The following NRXN1 variants were observed in gnomAD, a reference collection of about 807,000 sequenced individuals.
The protein encoded by NRXN1 is neurexin 1.
In NRXN1, 39 loss-of-function variants were observed where a neutral mutation model predicts 150.9. The observed-to-expected ratio is 0.26, with a 90% confidence interval of 0.20 to 0.34. The LOEUF (loss-of-function observed/expected upper bound fraction) is 0.34. Ranked by LOEUF, NRXN1 falls within the 10% of genes least tolerant of loss-of-function variation. The probability of loss-of-function intolerance (pLI) is 1.00; values close to 1 mark genes in which losing one functional copy is unlikely to be tolerated. For missense variants in NRXN1, 1,815 were observed against 1,949.9 expected (o/e 0.93, Z 1.30); for synonymous variants, 924 against 757.0 (o/e 1.22, Z -3.62).
intron 2 of NRXN1, among the ~76,000 whole-genome samples, chr2:50,938,847 A>T (rs1180863619): frequency 6.6e-6 from 1 of 152,154 alleles, no homozygotes; most frequent in African/African-American, 2.4e-5. Context: ...GCAAACTTTT[A>T]ATTAGTCACA....
chr2:50,293,439 G>T (rs1232985994), intron 17 of NRXN1, among the ~76,000 whole-genome samples: 2 of 152,150 alleles, frequency 1.3e-5, no homozygotes, highest in African/African-American at 4.8e-5. Context: ...CTACACGGAT[G>T]CATATCGAAG....
chr2:50,641,996 A>G (rs1318727973), intron 5 of NRXN1, among the ~76,000 whole-genome samples: 1 of 152,132 alleles, frequency 6.6e-6, no homozygotes, highest in Non-Finnish European at 1.5e-5. Context: ...CTGAATCAAC[A>G]TATGCATATA....
rs1287117407 is a variant in NRXN1, at chr2:49,919,060, T to C, written c.*2884A>G. Reference sequence around the variant, plus strand: ...CTTTGATGTCTTAGGGATTGACCACTTCACACGTTATTGTAGTATTTGTTC... The same window carrying C: ...CTTTGATGTCTTAGGGATTGACCACCTCACACGTTATTGTAGTATTTGTTC... On this transcript the variant is annotated 3_prime_UTR_variant, in exon 23 of 23. Transcript: ENST00000401669. 1 of 152,146 alleles carries C rather than the reference T, an allele frequency of 6.6e-6. No homozygotes were observed. Among genetic ancestry groups the C allele is most frequent in the Admixed American group, 6.6e-5 (1 of 15,258 alleles). The allele number at this position is 152,146 out of a possible 1,614,324, so 9.4% of individuals were successfully genotyped here. A position where few individuals can be genotyped will look rare whatever the true frequency, so the allele number is the denominator to read the frequency against.
intron 17 of NRXN1, among the ~76,000 whole-genome samples, chr2:50,376,046 TACAC>T (rs72262969): frequency 6.7e-6 from 1 of 148,626 alleles, no homozygotes; most frequent in Non-Finnish European, 1.5e-5. Context: ...CATATATATA[TACAC>T]ACACACACAC....
intron 5 of NRXN1, among the ~76,000 whole-genome samples, chr2:50,745,303 C>G (rs951984940): frequency 6.9e-6 from 1 of 145,102 alleles, no homozygotes; most frequent in East Asian, 2.1e-4. Flanking sequence ...ATATCTGCCC[C>G]CCCCCAGGAC....
chr2:50,533,830 C>A (rs1277780392), intron 10 of NRXN1, among the ~76,000 whole-genome samples: 2 of 152,108 alleles, frequency 1.3e-5, no homozygotes, highest in Non-Finnish European at 2.9e-5. Context: ...CTTTAAATAG[C>A]TGGTTCTTTC....
At chr2:50,952,558 A>C (rs1691570119) in intron 2 of NRXN1, among the ~76,000 whole-genome samples, 1 of 152,176 alleles carries the variant, frequency 6.6e-6, no homozygotes, top group Non-Finnish European at 1.5e-5. Flanking sequence ...TATAGAGGTA[A>C]ACAAGTCTGA....
chr2:50,547,013 C>T (rs1183903836), intron 9 of NRXN1, among the ~76,000 whole-genome samples: 8 of 152,042 alleles, frequency 5.3e-5, no homozygotes, highest in African/African-American at 1.9e-4. Flanking sequence ...GAAATCAGTG[C>T]TGGTAATAGA....
chr2:50,018,261 C>T (rs944576920), intron 21 of NRXN1, among the ~76,000 whole-genome samples: 8 of 152,034 alleles, frequency 5.3e-5, no homozygotes, highest in Non-Finnish European at 1.0e-4. Flanking sequence ...ATTTATAGGG[C>T]GGGTTTATTT....
At chr2:50,637,161 A>G (rs1683350098) in intron 5 of NRXN1, among the ~76,000 whole-genome samples, 1 of 152,110 alleles carries the variant, frequency 6.6e-6, no homozygotes, top group African/African-American at 2.4e-5. Flanking sequence ...GTTATGCTGC[A>G]TTTTCAGATT....
At chr2:50,665,402 T>C (rs1369431926) in intron 5 of NRXN1, among the ~76,000 whole-genome samples, 2 of 151,894 alleles carry the variant, frequency 1.3e-5, no homozygotes, top group African/African-American at 2.4e-5. Flanking sequence ...TGCAGCAACA[T>C]CTCAACTCTT....
intron 15 of NRXN1, among the ~76,000 whole-genome samples, chr2:50,490,945 A>C (rs2091218648): frequency 6.6e-6 from 1 of 152,150 alleles, no homozygotes; most frequent in African/African-American, 2.4e-5. Context: ...TTTCCCTTAT[A>C]TAGACTAAAA....
intron 8 of NRXN1, among the ~76,000 whole-genome samples, chr2:50,574,312 T>A (rs72884048): frequency 0.077 from 11,737 of 152,008 alleles, 877 homozygotes; most frequent in African/African-American, 0.2. Context: ...AGGATGTCGC[T>A]AAAAATTGGC....
intron 2 of NRXN1, among the ~76,000 whole-genome samples, chr2:51,017,477 A>T (rs1447467116): frequency 1.5e-5 from 2 of 136,236 alleles, no homozygotes; most frequent in African/African-American, 5.6e-5. Context: ...CTGGGACTAC[A>T]ATACACGTAT....
chr2:50,491,904 C>A (rs557330906), intron 15 of NRXN1, among the ~76,000 whole-genome samples: 1 of 152,102 alleles, frequency 6.6e-6, no homozygotes. Context: ...TTTCCCTCAA[C>A]TAGATTAATA....
At chr2:50,062,684 C>A (rs1050841183) in intron 19 of NRXN1, among the ~76,000 whole-genome samples, 1 of 152,034 alleles carries the variant, frequency 6.6e-6, no homozygotes, top group African/African-American at 2.4e-5. Context: ...AAGATAAATA[C>A]AATTTTAATC....
intron 5 of NRXN1, among the ~76,000 whole-genome samples, chr2:50,791,164 CA>C (rs1705903192): frequency 6.9e-6 from 1 of 145,458 alleles, no homozygotes; most frequent in Non-Finnish European, 1.5e-5. Flanking sequence ...AAAAGTAACA[CA>C]TGTAACTAAG....
chr2:50,974,654 T>C (rs1695542161), intron 2 of NRXN1, among the ~76,000 whole-genome samples: 1 of 152,050 alleles, frequency 6.6e-6, no homozygotes, highest in African/African-American at 2.4e-5. Flanking sequence ...TCAATGTAAT[T>C]CCTGGGTAGC....
intron 21 of NRXN1, among the ~76,000 whole-genome samples, chr2:49,950,065 A>T (rs1352662555): frequency 9.9e-5 from 15 of 151,920 alleles, no homozygotes; most frequent in Non-Finnish European, 1.9e-4. Flanking sequence ...TGTCCTGATA[A>T]CCTATGGAGC....
Sources: gnomAD v4.1 joint callset for allele counts (sites outside exome capture counted in the v4.1 genomes callset) on GRCh38, gnomAD v4.1.1 for gene constraint, MANE v1.5 for transcripts, NCBI Gene and HGNC (gene_info 2026-07-23, HGNC 2026-07-21) for gene names.